PEPD: variants seen among roughly 807,000 people sequenced by gnomAD.
PEPD encodes the protein peptidase D.
PEPD carries 53 observed loss-of-function variants against 60.7 expected under a neutral mutation model. The observed-to-expected ratio is 0.87, with a 90% confidence interval of 0.70 to 1.10. The LOEUF is 1.10. PEPD is among the 50% of genes least tolerant of loss of function. The pLI, the probability that PEPD is intolerant of heterozygous loss-of-function variation, is 0.00. For synonymous variants in PEPD, 267 were observed against 284.1 expected (o/e 0.94, Z 0.60); for missense variants, 711 against 711.9 (o/e 1.00, Z 0.01).
chr19:33,437,051 C>A (rs889838205), intron 9 of PEPD, among the ~76,000 whole-genome samples: 1 of 152,078 alleles, frequency 6.6e-6, no homozygotes, highest in Non-Finnish European at 1.5e-5. Context: ...AGCAACCAGG[C>A]AGAGCAGCCA....
chr19:33,459,974 G>T (rs977412868), intron 9 of PEPD, among the ~76,000 whole-genome samples: 9 of 152,146 alleles, frequency 5.9e-5, no homozygotes, highest in African/African-American at 2.2e-4. Flanking sequence ...ATATAGAAGA[G>T]CGGCTGGTTT....
intron 12 of PEPD, among the ~76,000 whole-genome samples, chr19:33,400,837 C>T (rs927321084): frequency 4.6e-5 from 7 of 152,318 alleles, no homozygotes; most frequent in Admixed American, 2.0e-4. Context: ...AGCTGGGGTT[C>T]GATCCTGTGG....
At chr19:33,431,176 AAGGAAGGGAGGGAGGG>A (rs1439387975) in intron 9 of PEPD, among the ~76,000 whole-genome samples, 1 of 135,718 alleles carries the variant, frequency 7.4e-6, no homozygotes, top group Non-Finnish European at 1.6e-5. Context: ...GGAAGGAAGG[AAGGAAGGGAGGGAGGG>A]AGGGAGGGAG....
At chr19:33,484,986 C>G (rs577939222) in intron 6 of PEPD, among the ~76,000 whole-genome samples, 78 of 152,312 alleles carry the variant, frequency 5.1e-4, no homozygotes, top group Non-Finnish European at 4.7e-4. Context: ...TAGGCGTGCC[C>G]TGGAAGCAGA....
At chr19:33,431,343 C>T (rs1223704831) in intron 9 of PEPD, among the ~76,000 whole-genome samples, 2 of 152,160 alleles carry the variant, frequency 1.3e-5, no homozygotes, top group Non-Finnish European at 2.9e-5. Context: ...TTGAAATCAC[C>T]CAAAATCTGA....
At chr19:33,470,480 T>C (rs938386148) in intron 7 of PEPD, among the ~76,000 whole-genome samples, 1 of 152,118 alleles carries the variant, frequency 6.6e-6, no homozygotes, top group African/African-American at 2.4e-5. Flanking sequence ...CACACTTTTC[T>C]AGGGGTCGGA....
At chr19:33,427,430 GT>G (rs1969174441) in intron 9 of PEPD, among the ~76,000 whole-genome samples, 1 of 152,236 alleles carries the variant, frequency 6.6e-6, no homozygotes, top group Admixed American at 6.5e-5. Context: ...GCAGCAGGAT[GT>G]CCACTTTGGC....
rs149611012 is a variant in PEPD at position 33,435,707 on chromosome 19, C to T, written c.672-22064G>A. Among the ~76,000 whole-genome samples the T allele has an allele frequency of 2.8e-4, 43 of 152,318 alleles. No individual in the cohort carries two copies. The East Asian group carries it at 5.0e-3, about 18-fold the overall frequency. On this transcript the variant is annotated intron_variant, in intron 9 of 14. Transcript: ENST00000244137. ...CACTGTGTGAGAATCTGCTGATGCTCGTATGGCCGTTAGTTCTCAATCACG... is the reference window on the plus strand; with the variant it reads ...CACTGTGTGAGAATCTGCTGATGCTTGTATGGCCGTTAGTTCTCAATCACG...
chr19:33,457,067 A>G (rs1368876884), intron 9 of PEPD, among the ~76,000 whole-genome samples: 1 of 146,476 alleles, frequency 6.8e-6, no homozygotes, highest in Non-Finnish European at 1.5e-5. Flanking sequence ...CGGGAGGAGG[A>G]CCATGTGGGC....
intron 2 of PEPD, 77 bp from the exon 3 acceptor site, chr19:33,511,232 C>T: frequency 6.6e-7 from 1 of 1,504,340 alleles, no homozygotes; most frequent in South Asian, 1.1e-5. Flanking sequence ...CATCACAGCA[C>T]CCTAGAGAGC....
intron 9 of PEPD, among the ~76,000 whole-genome samples, chr19:33,445,062 T>A (rs937865767): frequency 2.0e-5 from 3 of 152,162 alleles, no homozygotes; most frequent in African/African-American, 7.2e-5. Flanking sequence ...GCCTCCCCCT[T>A]TAGCCCACAG....
intron 9 of PEPD, among the ~76,000 whole-genome samples, chr19:33,448,926 C>A (rs558352386): frequency 4.5e-4 from 68 of 152,334 alleles, no homozygotes; most frequent in African/African-American, 1.6e-3. Context: ...CTGGATGTGG[C>A]CCAGAGGCCA....
intron 6 of PEPD, among the ~76,000 whole-genome samples, chr19:33,489,323 G>A (rs1465940766): frequency 6.6e-6 from 1 of 152,142 alleles, no homozygotes; most frequent in African/African-American, 2.4e-5. Flanking sequence ...GGGGTTAATG[G>A]CTGGGACTAA....
chr19:33,405,607 CAG>C (rs1373995413), intron 11 of PEPD, among the ~76,000 whole-genome samples: 3 of 152,222 alleles, frequency 2.0e-5, no homozygotes, highest in African/African-American at 7.2e-5. Context: ...GCGGCCCCTG[CAG>C]ACACGGTGGC....
At chr19:33,390,474 T>G (rs957280361) in intron 13 of PEPD, among the ~76,000 whole-genome samples, 8 of 152,220 alleles carry the variant, frequency 5.3e-5, no homozygotes, top group African/African-American at 1.9e-4. Context: ...TCATTCTTAG[T>G]GCTTTCAAAA....
intron 7 of PEPD, 88 bp downstream of exon 7, chr19:33,477,958 T>G: frequency 1.1e-6 from 1 of 880,892 alleles, no homozygotes; most frequent in Non-Finnish European, 1.9e-6. Flanking sequence ...AGGGGCTCTC[T>G]GAGACGGTGT....
intron 13 of PEPD, 140 bp downstream of exon 13, chr19:33,391,155 G>A (rs566257400): frequency 1.3e-5 from 10 of 746,562 alleles, no homozygotes; most frequent in African/African-American, 3.4e-5. Context: ...CATGGCCTCC[G>A]TATACCACAG....
intron 13 of PEPD, among the ~76,000 whole-genome samples, chr19:33,390,583 C>T (rs1012728501): frequency 4.6e-5 from 7 of 151,896 alleles, no homozygotes; most frequent in Admixed American, 6.6e-5. Flanking sequence ...TTGGGCAGCC[C>T]GCCAAGGGCA....
chr19:33,416,642 G>A (rs572537696), intron 9 of PEPD, among the ~76,000 whole-genome samples: 2 of 152,346 alleles, frequency 1.3e-5, no homozygotes, highest in African/African-American at 4.8e-5. Context: ...GCTGAGAGGA[G>A]GCCGTGGTCT....
Sources: gnomAD v4.1 joint callset for allele counts (sites outside exome capture counted in the v4.1 genomes callset) on GRCh38, gnomAD v4.1.1 for gene constraint, MANE v1.5 for transcripts, NCBI Gene and HGNC (gene_info 2026-07-23, HGNC 2026-07-21) for gene names.